The following KSR2 variants were observed in gnomAD, a reference collection of about 807,000 sequenced individuals.
KSR2 encodes kinase suppressor of ras 2.
In KSR2, 25 loss-of-function variants were observed where a neutral mutation model predicts 107.8. The ratio of observed to expected loss-of-function variants is 0.23; its 90% CI spans 0.17 to 0.32. The LOEUF (loss-of-function observed/expected upper bound fraction) is 0.32, where lower values mean the gene tolerates loss of function less well. Ranked by LOEUF, KSR2 falls within the 10% of genes least tolerant of loss-of-function variation. The probability of loss-of-function intolerance (pLI) is 1.00; values close to 1 mark genes in which losing one functional copy is unlikely to be tolerated. For missense variants in KSR2, 887 were observed against 1,268.9 expected (o/e 0.70, Z 4.57); for synonymous variants, 480 against 507.0 (o/e 0.95, Z 0.71).
Position 117,914,443 on chromosome 12 carries a change from A to C in KSR2, c.180+53633T>G, listed in dbSNP as rs1349758921. 6.1e-5 allele frequency among the ~76,000 whole-genome samples: 9 copies of C among 147,214 alleles called. No individual in the cohort carries two copies. The East Asian group carries it at 1.8e-3, about 30-fold the overall frequency. On this transcript the variant is annotated intron_variant, in intron 1 of 19. Coordinates refer to ENST00000339824, the MANE Select transcript of KSR2 (RefSeq NM_173598.6). The stretch of plus-strand genomic sequence containing the variant: ...GACTGTCTCAAAAAAAAAAAAAAAA[A>C]GCCAAACAACAACAACAAAAAGAAG...
chr12:117,506,857 G>GTA (rs1234628541), intron 14 of KSR2, among the ~76,000 whole-genome samples: 1 of 151,914 alleles, frequency 6.6e-6, no homozygotes, highest in Admixed American at 6.6e-5. Context: ...GTGTGTGTGT[G>GTA]TATATATATG....
At chr12:117,559,985 C>T (rs1259918822) in intron 7 of KSR2, among the ~76,000 whole-genome samples, 3 of 152,168 alleles carry the variant, frequency 2.0e-5, no homozygotes. Flanking sequence ...ATACATTAAA[C>T]TCAGAAGTAG....
intron 3 of KSR2, among the ~76,000 whole-genome samples, chr12:117,833,414 G>A (rs1316193545): frequency 6.6e-6 from 1 of 152,162 alleles, no homozygotes; most frequent in African/African-American, 2.4e-5. Flanking sequence ...CCAGGCAGGA[G>A]TGCAGTGGCA....
At chr12:117,948,444 C>T (rs762379369) in intron 1 of KSR2, among the ~76,000 whole-genome samples, 1 of 150,860 alleles carries the variant, frequency 6.6e-6, no homozygotes, top group East Asian at 2.0e-4. Context: ...GAGCCCAGAT[C>T]GCGCCATTGC....
intron 5 of KSR2, among the ~76,000 whole-genome samples, chr12:117,621,371 C>T (rs373853393): frequency 9.3e-4 from 142 of 152,272 alleles, no homozygotes; most frequent in African/African-American, 3.0e-3. Flanking sequence ...TGGAATAATA[C>T]AGCAGTAGAG....
chr12:117,785,391 G>A (rs572363839), intron 3 of KSR2, among the ~76,000 whole-genome samples: 1 of 126,922 alleles, frequency 7.9e-6, no homozygotes, highest in African/African-American at 2.9e-5. Context: ...CTACAGCCTG[G>A]GCAACAGAGT....
chr12:117,851,122 G>A (rs925054870), intron 3 of KSR2, among the ~76,000 whole-genome samples: 3 of 152,218 alleles, frequency 2.0e-5, no homozygotes, highest in Non-Finnish European at 4.4e-5. Flanking sequence ...CTGTAGGAAT[G>A]GGTTAAAATG....
At chr12:117,627,336 T>C (rs1430806789) in intron 5 of KSR2, among the ~76,000 whole-genome samples, 1 of 152,208 alleles carries the variant, frequency 6.6e-6, no homozygotes, top group Admixed American at 6.5e-5. Flanking sequence ...CAGTGGCTGG[T>C]ACCAGTTACT....
chr12:117,556,803 T>C (rs892206679), intron 8 of KSR2, among the ~76,000 whole-genome samples: 3 of 152,252 alleles, frequency 2.0e-5, no homozygotes, highest in Non-Finnish European at 2.9e-5. Flanking sequence ...GTCCACCCTA[T>C]AGATGAGGGG....
intron 1 of KSR2, among the ~76,000 whole-genome samples, chr12:117,882,673 C>T (rs11068712): frequency 0.37 from 55,186 of 150,730 alleles, 11,965 homozygotes; most frequent in East Asian, 0.87. Context: ...ATCCAACCAT[C>T]CAACAATCCA....
chr12:117,527,348 GAC>G (rs61441669), intron 12 of KSR2, among the ~76,000 whole-genome samples: 41 of 106,330 alleles, frequency 3.9e-4, no homozygotes, highest in Admixed American at 9.3e-4. Context: ...CACACACACA[GAC>G]ACACACACAC....
intron 1 of KSR2, among the ~76,000 whole-genome samples, chr12:117,942,758 C>T (rs901177340): frequency 6.6e-6 from 1 of 151,702 alleles, no homozygotes; most frequent in Non-Finnish European, 1.5e-5. Flanking sequence ...CCTTGGCCTT[C>T]CAAGGTGCTG....
intron 3 of KSR2, among the ~76,000 whole-genome samples, chr12:117,772,782 G>T (rs1386532119): frequency 4.6e-5 from 7 of 151,852 alleles, no homozygotes; most frequent in African/African-American, 1.7e-4. Context: ...CACCAAAGAC[G>T]CACAAGCACA....
At chr12:117,937,497 A>T (rs1422960921) in intron 1 of KSR2, among the ~76,000 whole-genome samples, 1 of 152,112 alleles carries the variant, frequency 6.6e-6, no homozygotes, top group Non-Finnish European at 1.5e-5. Context: ...AATTAATGTT[A>T]TACTTTCAAA....
chr12:117,866,038 CTTT>C (rs397838492), intron 1 of KSR2, among the ~76,000 whole-genome samples: 3 of 124,216 alleles, frequency 2.4e-5, no homozygotes, highest in South Asian at 2.4e-4. Flanking sequence ...TAATCTCTCT[CTTT>C]TTTTTTTTTT....
chr12:117,768,763 A>T (rs942115928), intron 3 of KSR2, among the ~76,000 whole-genome samples: 1 of 152,230 alleles, frequency 6.6e-6, no homozygotes, highest in African/African-American at 2.4e-5. Flanking sequence ...GAATTTACAC[A>T]TAAAAAGTTA....
chr12:117,716,478 T>G (rs1886984166), intron 4 of KSR2, among the ~76,000 whole-genome samples: 1 of 152,226 alleles, frequency 6.6e-6, no homozygotes. Flanking sequence ...AAAAACATAA[T>G]GTAAAACATC....
chr12:117,493,842 C>T (rs918521590), intron 14 of KSR2, among the ~76,000 whole-genome samples: 1 of 152,152 alleles, frequency 6.6e-6, no homozygotes, highest in East Asian at 1.9e-4. Flanking sequence ...GAATAAGTCT[C>T]ACGAGATCTA....
At chr12:117,835,324 G>T (rs955921783) in intron 3 of KSR2, among the ~76,000 whole-genome samples, 1 of 152,168 alleles carries the variant, frequency 6.6e-6, no homozygotes, top group Non-Finnish European at 1.5e-5. Context: ...TGTGCATGGC[G>T]AGTTGGAGGG....
Sources: gnomAD v4.1 joint callset for allele counts (sites outside exome capture counted in the v4.1 genomes callset) on GRCh38, gnomAD v4.1.1 for gene constraint, MANE v1.5 for transcripts, NCBI Gene and HGNC (gene_info 2026-07-23, HGNC 2026-07-21) for gene names.